ALKBH1: variants seen among roughly 807,000 people sequenced by gnomAD.
ALKBH1 encodes nucleic acid dioxygenase ALKBH1.
A neutral mutation model predicts 36.6 loss-of-function variants in ALKBH1; 31 were observed. The observed-to-expected ratio is 0.85, with a 90% CI of 0.64 to 1.14. The LOEUF (loss-of-function observed/expected upper bound fraction) is 1.14. ALKBH1 is among the 50% of genes most tolerant of loss of function. The pLI, the probability that ALKBH1 is intolerant of heterozygous loss-of-function variation, is 0.00. For synonymous variants in ALKBH1, 183 were observed against 186.6 expected, an observed-to-expected ratio of 0.98 and a Z score of 0.16; for missense variants, 490 against 497.3, an observed-to-expected ratio of 0.99 and a Z score of 0.14.
Position 77,700,325 on chromosome 14 carries a change from C to CA in ALKBH1, c.292+4043dup, listed in dbSNP as rs1487484496. On this transcript the variant is annotated intron_variant, in intron 2 of 5. Transcript: ENST00000216489. ...AAAAACTAGATAGCTTAGAGATATTCAATGTGGACAGGTTCCTCATTGCAG... is the reference window on the plus strand; with the variant it reads ...AAAAACTAGATAGCTTAGAGATATTCAAATGTGGACAGGTTCCTCATTGCAG... Among the ~76,000 whole-genome samples the CA allele has an allele frequency of 3.3e-5, 5 of 152,146 alleles. 1 individual carries two copies. The highest frequency in any genetic ancestry group is 1.2e-4 in the African/African-American group (5 of 41,440).
intron 4 of ALKBH1, among the ~76,000 whole-genome samples, chr14:77,678,087 C>CAAAAAA (rs11440428): frequency 1.1e-3 from 62 of 54,932 alleles, no homozygotes; most frequent in East Asian, 2.0e-3. Flanking sequence ...ATATTATCAC[C>CAAAAAA]AAAAAAAAAA....
At chr14:77,702,906 G>A (rs1161485099) in intron 2 of ALKBH1, among the ~76,000 whole-genome samples, 1 of 152,204 alleles carries the variant, frequency 6.6e-6, no homozygotes. Context: ...TGTAATCCTA[G>A]CACTCTGGGA....
intron 2 of ALKBH1, among the ~76,000 whole-genome samples, chr14:77,699,207 G>T (rs764118606): frequency 6.6e-6 from 1 of 152,186 alleles, no homozygotes; most frequent in African/African-American, 2.4e-5. Flanking sequence ...AAGTCCTGGC[G>T]TAGACTATTA....
chr14:77,702,628 C>T (rs374088073), intron 2 of ALKBH1, among the ~76,000 whole-genome samples: 1 of 152,142 alleles, frequency 6.6e-6, no homozygotes, highest in African/African-American at 2.4e-5. Context: ...AATAACATTA[C>T]CTATTCTTCA....
chr14:77,689,360 C>A (rs8015796), intron 3 of ALKBH1, among the ~76,000 whole-genome samples: 1 of 152,104 alleles, frequency 6.6e-6, no homozygotes, highest in Non-Finnish European at 1.5e-5. Context: ...CCCTCCCTCA[C>A]TGGCTTTTAT....
At chr14:77,694,039 T>C (rs1007379910) in intron 3 of ALKBH1, among the ~76,000 whole-genome samples, 18 of 152,182 alleles carry the variant, frequency 1.2e-4, no homozygotes, top group African/African-American at 4.3e-4. Flanking sequence ...TTCACACTTC[T>C]ACCCTGCCTG....
At chr14:77,701,852 G>T (rs1381089291) in intron 2 of ALKBH1, among the ~76,000 whole-genome samples, 1 of 152,194 alleles carries the variant, frequency 6.6e-6, no homozygotes, top group African/African-American at 2.4e-5. Context: ...CCACCCAAAA[G>T]ATGTGGCTTA....
intron 3 of ALKBH1, 113 bp downstream of exon 3, chr14:77,694,625 G>GA (rs548081410): frequency 1.7e-3 from 1,417 of 824,544 alleles, no homozygotes; most frequent in Middle Eastern, 2.9e-3. Context: ...ACAATGAAGG[G>GA]AAAAAAAAAC....
At chr14:77,676,814 T>C (rs908258808) in intron 4 of ALKBH1, among the ~76,000 whole-genome samples, 2 of 152,242 alleles carry the variant, frequency 1.3e-5, no homozygotes, top group Non-Finnish European at 2.9e-5. Flanking sequence ...AGTTTGGTTT[T>C]GGACCTCTCA....
chr14:77,687,219 T>C (rs2080272752), intron 3 of ALKBH1, among the ~76,000 whole-genome samples: 1 of 152,196 alleles, frequency 6.6e-6, no homozygotes, highest in Non-Finnish European at 1.5e-5. Context: ...CTTCTCTAAA[T>C]TTTCACCTGA....
intron 2 of ALKBH1, among the ~76,000 whole-genome samples, chr14:77,696,026 A>G (rs1397557864): frequency 6.6e-6 from 1 of 152,042 alleles, no homozygotes; most frequent in Admixed American, 6.5e-5. Context: ...CAGGAGGTGG[A>G]GGTTGTAGTG....
intron 3 of ALKBH1, among the ~76,000 whole-genome samples, chr14:77,681,791 G>A (rs528467868): frequency 7.2e-5 from 11 of 152,324 alleles, no homozygotes; most frequent in Middle Eastern, 3.4e-3. Context: ...CATGTGTCAG[G>A]CAGAGGCTGC....
rs559281308 is a variant in ALKBH1 at position 77,693,554 on chromosome 14, T to C, written c.455+1184A>G. Among the ~76,000 whole-genome samples the C allele has an allele frequency of 2.0e-5, 3 of 152,334 alleles. No homozygotes were observed. In the East Asian group the frequency reaches 5.8e-4, roughly 29 times the overall value. ...GCTCTTGTCTCGCAGGACGATTTAT[T>C]CTGTCTTAAATATTGTATCTTTGCT... On this transcript the variant is annotated intron_variant, in intron 3 of 5. Transcript: ENST00000216489.
chr14:77,681,219 C>T lies in ALKBH1; in HGVS notation c.456-1249G>A, dbSNP rs1595049238. On this transcript the variant is annotated intron_variant, in intron 3 of 5. Coordinates refer to ENST00000216489, the MANE Select transcript of ALKBH1 (RefSeq NM_006020.3). ...AGTCTAAGGAGAAATTAGAGGGAAA[C>T]TGAACGCAGTATAAAGTCTAGTACT... Among the ~76,000 whole-genome samples the T allele has an allele frequency of 2.0e-5, 3 of 152,096 alleles. No homozygotes were observed. The East Asian group carries it at 5.8e-4, about 29-fold the overall frequency.
intron 4 of ALKBH1, among the ~76,000 whole-genome samples, chr14:77,678,035 T>C (rs28678488): frequency 0.02 from 2,619 of 129,948 alleles, 83 homozygotes; most frequent in African/African-American, 0.074. Flanking sequence ...GTCAATGAGG[T>C]TAACTTTGAG....
intron 2 of ALKBH1, among the ~76,000 whole-genome samples, chr14:77,701,135 A>G (rs1048955986): frequency 2.0e-5 from 3 of 151,928 alleles, no homozygotes; most frequent in African/African-American, 7.3e-5. Flanking sequence ...TTGCATCTAC[A>G]TGTTCTCCAG....
chr14:77,674,548 TG>T (rs1020896085), intron 5 of ALKBH1, among the ~76,000 whole-genome samples: 6 of 127,902 alleles, frequency 4.7e-5, no homozygotes, highest in African/African-American at 1.0e-4. Context: ...GTTTTATTGA[TG>T]GTTTTTTTTT....
In ALKBH1 at chr14:77,673,937, T is replaced by A. The variant is rs1264908973; in HGVS notation, c.1045A>T (p.Thr349Ser). The A allele has an allele frequency of 6.2e-7, 1 of 1,614,094 alleles. No individual in the cohort carries two copies. Among genetic ancestry groups the A allele is most frequent in the East Asian group, 2.2e-5 (1 of 44,904 alleles). The stretch of plus-strand genomic sequence containing the variant: ...GGTTCTAGAGGGAAATTCTGGTCTG[T>A]GGCCAGGACCTGTCGGACAGTCATG... ...VNMTVRQVLA[T>S]DQNFPLEPIE... Residue 349 changes from threonine (T) to serine (S), a missense_variant, in exon 6 of 6, where the codon ACA becomes TCA. Coordinates refer to ENST00000216489, the MANE Select transcript of ALKBH1 (RefSeq NM_006020.3).
chr14:77,689,107 T>C (rs1397183164), intron 3 of ALKBH1, among the ~76,000 whole-genome samples: 1 of 152,230 alleles, frequency 6.6e-6, no homozygotes, highest in Non-Finnish European at 1.5e-5. Context: ...TATTCTCATG[T>C]TTTTCATGGC....
Sources: gnomAD v4.1 joint callset for allele counts (sites outside exome capture counted in the v4.1 genomes callset) on GRCh38, gnomAD v4.1.1 for gene constraint, MANE v1.5 for transcripts, NCBI Gene and HGNC (gene_info 2026-07-23, HGNC 2026-07-21) for gene names.